The following GRID1 variants were observed in gnomAD, a reference collection of about 807,000 sequenced individuals.
The protein encoded by GRID1 is glutamate ionotropic receptor delta type subunit 1, also known as glutamate receptor ionotropic, delta-1.
GRID1 carries 28 observed loss-of-function variants against 98.0 expected under a neutral mutation model. The observed-to-expected ratio is 0.29, with a 90% CI of 0.21 to 0.39. GRID1 has a LOEUF of 0.39. GRID1 is among the 10% of genes least tolerant of loss of function. GRID1 has a pLI of 1.00. For synonymous variants in GRID1, 553 were observed against 538.5 expected (o/e 1.03, Z -0.37); for missense variants, 1,111 against 1,340.5 (o/e 0.83, Z 2.67).
chr10:86,071,351 A>C (rs547846531), intron 4 of GRID1, among the ~76,000 whole-genome samples: 1 of 152,170 alleles, frequency 6.6e-6, no homozygotes, highest in African/African-American at 2.4e-5. Flanking sequence ...TGGTAGCACA[A>C]TGACTTGCAT....
At chr10:86,326,996 A>T (rs2132099678) in intron 2 of GRID1, among the ~76,000 whole-genome samples, 1 of 152,252 alleles carries the variant, frequency 6.6e-6, no homozygotes, top group Non-Finnish European at 1.5e-5. Context: ...AATTAGCCAG[A>T]CATGGTGGCA....
At chr10:85,705,300 C>T (rs1348783691) in intron 12 of GRID1, among the ~76,000 whole-genome samples, 2 of 152,076 alleles carry the variant, frequency 1.3e-5, no homozygotes, top group Non-Finnish European at 2.9e-5. Flanking sequence ...CACAGAAATA[C>T]AAACTACCAT....
At chr10:86,302,425 C>T (rs147884666) in intron 2 of GRID1, among the ~76,000 whole-genome samples, 1 of 152,292 alleles carries the variant, frequency 6.6e-6, no homozygotes, top group East Asian at 1.9e-4. Context: ...ACCAATGAAT[C>T]CTCTCCCCAC....
intron 4 of GRID1, among the ~76,000 whole-genome samples, chr10:85,969,056 A>T (rs2131853785): frequency 6.6e-6 from 1 of 152,346 alleles, no homozygotes; most frequent in South Asian, 2.1e-4. Flanking sequence ...CTAATAGCAG[A>T]CAAAATAGAC....
At chr10:85,760,446 CT>C (rs1564581926) in intron 8 of GRID1, among the ~76,000 whole-genome samples, 1 of 152,192 alleles carries the variant, frequency 6.6e-6, no homozygotes. Context: ...GTCACTCCCC[CT>C]GGCACACAAG....
At chr10:85,666,996 T>C (rs1316103185) in intron 12 of GRID1, among the ~76,000 whole-genome samples, 2 of 152,180 alleles carry the variant, frequency 1.3e-5, no homozygotes, top group Non-Finnish European at 1.5e-5. Flanking sequence ...TCAGTGCTAC[T>C]GCCCTAGTTT....
intron 8 of GRID1, among the ~76,000 whole-genome samples, chr10:85,825,105 G>T (rs1389462942): frequency 2.6e-5 from 4 of 152,158 alleles, no homozygotes; most frequent in African/African-American, 7.2e-5. Context: ...TTAGTTTTTT[G>T]AGAAATGCCC....
chr10:86,255,662 T>G (rs1246668099), intron 2 of GRID1, among the ~76,000 whole-genome samples: 2 of 152,222 alleles, frequency 1.3e-5, no homozygotes, highest in Non-Finnish European at 2.9e-5. Flanking sequence ...AGAGAGGACG[T>G]GCACTGCCCC....
At chr10:85,976,659 G>T (rs865973796) in intron 4 of GRID1, among the ~76,000 whole-genome samples, 3 of 152,204 alleles carry the variant, frequency 2.0e-5, no homozygotes, top group Non-Finnish European at 2.9e-5. Flanking sequence ...AGGATGATAT[G>T]CAGGAGACGT....
intron 5 of GRID1, among the ~76,000 whole-genome samples, chr10:85,876,241 C>T (rs1165851681): frequency 6.6e-6 from 1 of 152,006 alleles, no homozygotes; most frequent in East Asian, 1.9e-4. Context: ...GCTGAAATCT[C>T]GGTGGTGGCC....
Position 85,602,233 on chromosome 10 carries a change from C to A in GRID1, c.*40G>T, listed in dbSNP as rs942040056. 1 of 909,512 alleles carries A rather than the reference C, an allele frequency of 1.1e-6. No homozygotes were observed. The highest frequency in any genetic ancestry group is 6.2e-5 in the Admixed American group (1 of 16,068). 56.3% of individuals were successfully genotyped at this position (909,512 alleles called of 1,614,324 possible). ...TCTTGTATTAAAAAGCTCTGCTGGTCGGGTGGGTGGGAGGGTGGGCAGGAG... is the reference window on the plus strand; with the variant it reads ...TCTTGTATTAAAAAGCTCTGCTGGTAGGGTGGGTGGGAGGGTGGGCAGGAG... On this transcript the variant is annotated 3_prime_UTR_variant, in exon 16 of 16. Coordinates refer to ENST00000327946, the MANE Select transcript of GRID1 (RefSeq NM_017551.3).
In GRID1 at chr10:85,661,034, C is replaced by T. The variant is rs145570280; in HGVS notation, c.1998-13637G>A. Among the ~76,000 whole-genome samples the T allele has an allele frequency of 5.2e-4, 79 of 152,246 alleles. 1 individual carries two copies. The highest frequency in any genetic ancestry group is 3.4e-3 in the Middle Eastern group (1 of 294). ...GAAGCATCCATTAAGTGTTAGCTATCGTTATGAGCTTCAGTTTCTCCAATG... is the reference window on the plus strand; with the variant it reads ...GAAGCATCCATTAAGTGTTAGCTATTGTTATGAGCTTCAGTTTCTCCAATG... On this transcript the variant is annotated intron_variant, in intron 12 of 15. Transcript: ENST00000327946.
intron 2 of GRID1, among the ~76,000 whole-genome samples, chr10:86,212,884 G>T (rs552504431): frequency 6.6e-6 from 1 of 152,204 alleles, no homozygotes; most frequent in African/African-American, 2.4e-5. Flanking sequence ...CATTTAAAAG[G>T]TAACCAAAAC....
At position 86,257,909 on chromosome 10, in the gene GRID1, G is replaced by A. The variant is rs184301179; in HGVS notation, c.236-51261C>T. Among the ~76,000 whole-genome samples, 3 of 152,326 alleles carry A rather than the reference G, an allele frequency of 2.0e-5. No individual in the cohort carries two copies. The East Asian group carries it at 5.8e-4, about 29-fold the overall frequency. ...CCCTTTAATCCAATTAAAACAGTCT[G>A]TAATCCACTGAAACAAAGACTTCCT... is the stretch of plus-strand genomic sequence containing the variant. On this transcript the variant is annotated intron_variant, in intron 2 of 15. Coordinates refer to ENST00000327946, the MANE Select transcript of GRID1 (RefSeq NM_017551.3).
At chr10:85,717,381 A>C (rs910845331) in intron 12 of GRID1, among the ~76,000 whole-genome samples, 2 of 152,172 alleles carry the variant, frequency 1.3e-5, no homozygotes, top group African/African-American at 4.8e-5. Context: ...CCTCAGAATC[A>C]TGATGGGAGG....
At chr10:86,173,048 T>C (rs1231531052) in intron 3 of GRID1, among the ~76,000 whole-genome samples, 1 of 152,190 alleles carries the variant, frequency 6.6e-6, no homozygotes, top group Non-Finnish European at 1.5e-5. Flanking sequence ...TTTTGTTTTA[T>C]TTTGTTTTTA....
At chr10:86,101,413 CT>C (rs1310379624) in intron 4 of GRID1, among the ~76,000 whole-genome samples, 2 of 152,188 alleles carry the variant, frequency 1.3e-5, no homozygotes, top group Non-Finnish European at 2.9e-5. Flanking sequence ...ACAGCAATTC[CT>C]TATGGCTCTT....
At chr10:85,630,399 C>T (rs562969195) in intron 13 of GRID1, among the ~76,000 whole-genome samples, 12 of 152,314 alleles carry the variant, frequency 7.9e-5, no homozygotes, top group East Asian at 3.9e-4. Flanking sequence ...GACAACAACA[C>T]GTTATTCTCA....
intron 2 of GRID1, among the ~76,000 whole-genome samples, chr10:86,321,672 G>A (rs1455540417): frequency 6.6e-6 from 1 of 152,126 alleles, no homozygotes; most frequent in Non-Finnish European, 1.5e-5. Flanking sequence ...CAAATGTGAG[G>A]GTGGCTGGCA....
Sources: gnomAD v4.1 joint callset for allele counts (sites outside exome capture counted in the v4.1 genomes callset) on GRCh38, gnomAD v4.1.1 for gene constraint, MANE v1.5 for transcripts, NCBI Gene and HGNC (gene_info 2026-07-23, HGNC 2026-07-21) for gene names.